The following EXOSC10 variants were observed in gnomAD, a reference collection of about 807,000 sequenced individuals.
The protein encoded by EXOSC10 is exosome complex component 10.
A neutral mutation model predicts 126.6 loss-of-function variants in EXOSC10; 94 were observed. The observed-to-expected ratio is 0.74, with a 90% CI of 0.63 to 0.88. The LOEUF is 0.88. Among genes scored for constraint, EXOSC10 ranks in the 40% least tolerant of loss-of-function variants. EXOSC10 has a pLI of 0.00. For synonymous variants in EXOSC10, 395 were observed against 400.8 expected, an observed-to-expected ratio of 0.99 and a Z score of 0.17; for missense variants, 1,041 against 1,100.5, an observed-to-expected ratio of 0.95 and a Z score of 0.77.
At position 11,099,813 on chromosome 1, in the gene EXOSC10, G is replaced by T; in HGVS notation, c.19C>A (p.Arg7=). 1 of 1,608,674 alleles carries T rather than the reference G, an allele frequency of 6.2e-7. No homozygotes were observed. The highest frequency in any genetic ancestry group is 8.5e-7 in the Non-Finnish European group (1 of 1,177,102). ...GTCGCCGACAGGACCCTGGGCTCCCGGGTACTGGGTGGCGCCATTTTTTCA... is the reference window on the plus strand; with the variant it reads ...GTCGCCGACAGGACCCTGGGCTCCCTGGTACTGGGTGGCGCCATTTTTTCA... MAPPST[R]EPRVLSATSA... Residue 7 remains arginine, a synonymous_variant, in exon 1 of 25, where the codon CGG becomes AGG. Coordinates refer to ENST00000376936, the MANE Select transcript of EXOSC10 (RefSeq NM_001001998.3).
chr1:11,081,346 T>A, intron 10 of EXOSC10, 108 bp from the exon 11 acceptor site: 2 of 1,222,298 alleles, frequency 1.6e-6, no homozygotes, highest in East Asian at 4.7e-5. Context: ...ATATGAAAGA[T>A]CCTTTCATAG....
intron 17 of EXOSC10, among the ~76,000 whole-genome samples, chr1:11,074,684 A>C (rs940048275): frequency 3.9e-5 from 6 of 152,112 alleles, no homozygotes; most frequent in Admixed American, 2.6e-4. Flanking sequence ...AAGTGCTGGG[A>C]TTACAGGTGT....
intron 20 of EXOSC10, 185 bp from the exon 21 acceptor site, chr1:11,071,158 GC>G: frequency 3.4e-6 from 2 of 588,134 alleles, no homozygotes. Flanking sequence ...CAGGTGCTCT[GC>G]CCACCTTCAG....
chr1:11,087,400 A>G (rs1446118570), intron 9 of EXOSC10, 48 bp downstream of exon 9: 5 of 1,610,236 alleles, frequency 3.1e-6, no homozygotes, highest in Non-Finnish European at 4.2e-6. Flanking sequence ...AAAAGCACTA[A>G]AAATCTTGTA....
At position 11,070,902 on chromosome 1, in the gene EXOSC10, C is replaced by G. The variant is rs753307275; in HGVS notation, c.2314G>C (p.Val772Leu). The change falls in exon 21 of 25, where the codon GTG becomes CTG. Residue 772 changes from valine to leucine, a missense_variant and splice_region_variant. Val to Leu is a conservative substitution (Grantham distance 32, BLOSUM62 1). Around this residue, in one of 3 missense-constraint regions of EXOSC10, gnomAD observed 388 missense variants for 415.2 expected, o/e 0.93. Transcript: ENST00000376936. ...AAAGGAGAAAAGCTGGCACATACCACGACCTGCTGTCGGACGGAGATGGCC... is the reference window on the plus strand; with the variant it reads ...AAAGGAGAAAAGCTGGCACATACCAGGACCTGCTGTCGGACGGAGATGGCC... ...EQAISVRQQV[V>L]LENAAKKRER... 1.2e-5 allele frequency: 19 copies of G among 1,613,802 alleles called. No individual in the cohort carries two copies. Among genetic ancestry groups the G allele is most frequent in the Non-Finnish European group, 1.6e-5 (19 of 1,179,828 alleles).
intron 6 of EXOSC10, among the ~76,000 whole-genome samples, chr1:11,088,720 T>C (rs1039333882): frequency 2.0e-5 from 3 of 152,248 alleles, no homozygotes; most frequent in African/African-American, 7.2e-5. Flanking sequence ...AGCACTTAGC[T>C]TGTGGCCTCA....
At chr1:11,087,980 C>G in intron 7 of EXOSC10, 70 bp from the exon 8 acceptor site, 1 of 1,280,930 alleles carries the variant, frequency 7.8e-7, no homozygotes, top group Non-Finnish European at 1.1e-6. Context: ...ACAAAGTGAA[C>G]TACAAGTTTG....
chr1:11,077,068 T>G (rs778602736), intron 16 of EXOSC10, 120 bp from the exon 17 acceptor site: 1 of 732,690 alleles, frequency 1.4e-6, no homozygotes, highest in Non-Finnish European at 2.3e-6. Flanking sequence ...CTCGGCTCAC[T>G]GCAACCTCCG....
chr1:11,086,611 C>T (rs1290693392), intron 9 of EXOSC10, among the ~76,000 whole-genome samples: 2 of 152,124 alleles, frequency 1.3e-5, no homozygotes, highest in African/African-American at 4.8e-5. Flanking sequence ...GAAATTATAA[C>T]AAACTATCTC....
intron 22 of EXOSC10, chr1:11,069,036 G>A (rs1252013142): frequency 3.3e-5 from 12 of 362,854 alleles, no homozygotes; most frequent in South Asian, 2.9e-4. Context: ...GCTCTGAGGC[G>A]ACACTCCTGT....
At chr1:11,087,634 T>C in intron 8 of EXOSC10, 43 bp from the exon 9 acceptor site, 1 of 1,602,154 alleles carries the variant, frequency 6.2e-7, no homozygotes, top group Non-Finnish European at 8.5e-7. Flanking sequence ...AAACAAAGAT[T>C]ATATTAGACT....
Position 11,079,777 on chromosome 1 carries a change from A to G in EXOSC10, c.1683T>C (p.Leu561=). 6.2e-7 allele frequency: 1 copy of G among 1,613,898 alleles called. No individual in the cohort carries two copies. The highest frequency in any genetic ancestry group is 1.1e-5 in the South Asian group (1 of 90,980). ...GCATTTCGTTGATCTGCTGCCGCAC[A>G]AGGGGCGGTACTGGGTTGCAGCAAG... ...IIACCNPVPP[L]VRQQINEMHL... is the part of the protein sequence containing the mutation. The change falls in exon 14 of 25, where the codon CTT becomes CTC. Residue 561 remains leucine (L), a synonymous_variant. Transcript: ENST00000376936.
At chr1:11,081,567 T>C (rs1286705061) in intron 10 of EXOSC10, among the ~76,000 whole-genome samples, 1 of 152,206 alleles carries the variant, frequency 6.6e-6, no homozygotes, top group Non-Finnish European at 1.5e-5. Flanking sequence ...GACAAGTTCC[T>C]TAACCTCTTT....
At chr1:11,090,490 A>G (rs996826212) in intron 6 of EXOSC10, 64 bp downstream of exon 6, 2 of 1,322,384 alleles carry the variant, frequency 1.5e-6, no homozygotes, top group African/African-American at 1.4e-5. Context: ...TACTCCACAA[A>G]AGTGAAAATG....
intron 17 of EXOSC10, 95 bp from the exon 18 acceptor site, chr1:11,074,421 T>C: frequency 2.2e-6 from 2 of 906,542 alleles, no homozygotes; most frequent in Non-Finnish European, 3.5e-6. Context: ...TGATTTTTTT[T>C]TTTTTTCTGG....
Position 11,076,878 on chromosome 1 carries a change from T to G in EXOSC10, c.1950A>C (p.Thr650=). The change falls in exon 17 of 25, where the codon ACA becomes ACC. Residue 650 remains threonine, a synonymous_variant. Coordinates refer to ENST00000376936, the MANE Select transcript of EXOSC10 (RefSeq NM_001001998.3). ...DEKEDNLLGT[T]CLIATAVITL... ...TGATGACAGCTGTGGCAATCAGGCA[T>G]GTGGTACCCAGCAAGTTATCTTCTT... The G allele has an allele frequency of 1.9e-6, 3 of 1,613,870 alleles. No homozygotes were observed. Among genetic ancestry groups the G allele is most frequent in the Non-Finnish European group, 2.5e-6 (3 of 1,180,018 alleles).
intron 19 of EXOSC10, chr1:11,072,966 TAG>T (rs1447043661): frequency 6.6e-6 from 1 of 152,180 alleles, no homozygotes; most frequent in Non-Finnish European, 1.5e-5. Flanking sequence ...ATAAGTAAGA[TAG>T]AGTGTTTTAA....
intron 13 of EXOSC10, 86 bp downstream of exon 13, chr1:11,080,413 G>A (rs1640076498): frequency 6.6e-7 from 1 of 1,518,376 alleles, no homozygotes; most frequent in African/African-American, 1.4e-5. Flanking sequence ...AGCAGCCTTG[G>A]GTAATAGCAA....
chr1:11,082,667 C>T (rs528017343), intron 10 of EXOSC10, 21 bp downstream of exon 10: 1 of 1,612,714 alleles, frequency 6.2e-7, no homozygotes, highest in East Asian at 2.2e-5. Flanking sequence ...ACCCACATTT[C>T]CTCAGTAAGA....
Sources: allele counts gnomAD v4.1 joint callset (sites outside exome capture counted in the v4.1 genomes callset), GRCh38; gene constraint gnomAD v4.1.1; regional missense constraint gnomAD v4.1.1; transcripts MANE v1.5; gene names NCBI Gene and HGNC (gene_info 2026-07-23, HGNC 2026-07-21).